The following KATNBL1 variants were observed in gnomAD, a reference collection of about 807,000 sequenced individuals.
The protein encoded by KATNBL1 is katanin regulatory subunit B1 like 1, also known as KATNB1-like protein 1.
A neutral mutation model predicts 44.7 loss-of-function variants in KATNBL1; 28 were observed. The observed-to-expected ratio is 0.63, with a 90% CI of 0.46 to 0.86. KATNBL1 has a LOEUF of 0.86. Ranked by LOEUF, KATNBL1 falls within the 40% of genes least tolerant of loss-of-function variation. KATNBL1 has a pLI of 0.00. For synonymous variants in KATNBL1, 78 were observed against 114.9 expected (o/e 0.68, Z 2.06); for missense variants, 272 against 350.7 (o/e 0.78, Z 1.79).
At chr15:34,206,662 G>T (rs141806352) in intron 1 of KATNBL1, among the ~76,000 whole-genome samples, 20,390 of 151,986 alleles carry the variant, frequency 0.13, 1,451 homozygotes, top group Non-Finnish European at 0.15. Flanking sequence ...GTGGTGGTGG[G>T]TGCTTGTAAT....
chr15:34,158,418 A>G (rs1033789418), intron 2 of KATNBL1, among the ~76,000 whole-genome samples: 4 of 152,222 alleles, frequency 2.6e-5, no homozygotes, highest in African/African-American at 9.6e-5. Context: ...GGTTAAGTGA[A>G]AAACAGGCAT....
intron 1 of KATNBL1, among the ~76,000 whole-genome samples, chr15:34,188,161 A>G (rs994222718): frequency 5.4e-5 from 8 of 149,082 alleles, no homozygotes; most frequent in Admixed American, 2.0e-4. Context: ...AAAAAAAAAA[A>G]AAAAGAAAAT....
At chr15:34,195,892 A>G (rs1171836446) in intron 1 of KATNBL1, among the ~76,000 whole-genome samples, 1 of 152,128 alleles carries the variant, frequency 6.6e-6, no homozygotes, top group Non-Finnish European at 1.5e-5. Context: ...GGGTCCTAAA[A>G]GTAACTTTGT....
At chr15:34,163,527 G>A (rs1567523320) in intron 2 of KATNBL1, 33 bp downstream of exon 2, 1 of 1,573,038 alleles carries the variant, frequency 6.4e-7, no homozygotes, top group Non-Finnish European at 8.6e-7. Context: ...CGTTTAAATT[G>A]TCTTATCTGT....
chr15:34,173,106 T>G (rs938706028), intron 1 of KATNBL1, among the ~76,000 whole-genome samples: 22 of 147,436 alleles, frequency 1.5e-4, no homozygotes, highest in African/African-American at 5.3e-4. Context: ...TCCCAGAACA[T>G]AGGAAGAAAA....
intron 1 of KATNBL1, among the ~76,000 whole-genome samples, chr15:34,181,870 C>CATATATATATATATATATATATATAT (rs374057022): frequency 4.8e-4 from 35 of 73,034 alleles, no homozygotes; most frequent in Non-Finnish European, 7.4e-4. Context: ...TATATATATC[C>CATATATATATATATATATATATATAT]ATATATATAT....
intron 1 of KATNBL1, among the ~76,000 whole-genome samples, chr15:34,207,911 G>GT (rs1890336748): frequency 6.6e-6 from 1 of 152,104 alleles, no homozygotes; most frequent in Non-Finnish European, 1.5e-5. Flanking sequence ...CCACCCTTCT[G>GT]TTCAGTGCCC....
chr15:34,184,636 G>T (rs1482586078), intron 1 of KATNBL1, among the ~76,000 whole-genome samples: 7 of 126,704 alleles, frequency 5.5e-5, no homozygotes, highest in Non-Finnish European at 9.5e-5. Flanking sequence ...GTGCAGTGGC[G>T]ATCTCGGCTT....
At chr15:34,161,312 C>A (rs1026966047) in intron 2 of KATNBL1, among the ~76,000 whole-genome samples, 1 of 152,116 alleles carries the variant, frequency 6.6e-6, no homozygotes, top group Non-Finnish European at 1.5e-5. Flanking sequence ...CGGGTTTATT[C>A]ATCACACTGG....
chr15:34,168,705 G>A (rs951050473), intron 1 of KATNBL1, among the ~76,000 whole-genome samples: 1 of 152,054 alleles, frequency 6.6e-6, no homozygotes, highest in South Asian at 2.1e-4. Context: ...CACTCCTCAG[G>A]AAATGTAAAA....
At chr15:34,142,607 T>C (rs1888181494) in intron 9 of KATNBL1, 3 of 409,200 alleles carry the variant, frequency 7.3e-6, no homozygotes, top group Non-Finnish European at 8.8e-6. Context: ...GTTCCTATGC[T>C]CAAACAACTC....
intron 1 of KATNBL1, among the ~76,000 whole-genome samples, chr15:34,165,181 C>T (rs7161944): frequency 0.12 from 18,492 of 152,154 alleles, 1,232 homozygotes; most frequent in Non-Finnish European, 0.15. Context: ...AACTGAAAGG[C>T]GTGAAGCAAC....
At chr15:34,207,205 AATTTT>A (rs1178539116) in intron 1 of KATNBL1, among the ~76,000 whole-genome samples, 3 of 151,398 alleles carry the variant, frequency 2.0e-5, no homozygotes, top group South Asian at 2.1e-4. Flanking sequence ...ACACCTGCCT[AATTTT>A]ATTTTATTTT....
intron 1 of KATNBL1, among the ~76,000 whole-genome samples, chr15:34,203,512 C>T (rs1019594473): frequency 3.3e-5 from 5 of 152,148 alleles, no homozygotes; most frequent in Admixed American, 3.3e-4. Context: ...AGAATAACCC[C>T]ACCCTCACTT....
At position 34,162,610 on chromosome 15, in the gene KATNBL1, G is replaced by A. The variant is rs542175268; in HGVS notation, c.117+950C>T. Among the ~76,000 whole-genome samples, 6 of 152,178 alleles carry A rather than the reference G, an allele frequency of 3.9e-5. No individual in the cohort carries two copies. In the South Asian group the frequency reaches 1.2e-3, roughly 32 times the overall value. ...GAGTTAAATTTTAATCTCTTTTCTT[G>A]TTGCTGTTGTTGTTTTAGAGATAGG... On this transcript the variant is annotated intron_variant, in intron 2 of 9. Transcript: ENST00000256544.
At chr15:34,188,031 C>T (rs191159803) in intron 1 of KATNBL1, among the ~76,000 whole-genome samples, 29 of 145,264 alleles carry the variant, frequency 2.0e-4, no homozygotes, top group East Asian at 4.3e-4. Flanking sequence ...CCCAGCTGCT[C>T]GGTAGGTTGG....
chr15:34,169,576 C>A (rs1431899258), intron 1 of KATNBL1, among the ~76,000 whole-genome samples: 2 of 152,180 alleles, frequency 1.3e-5, no homozygotes, highest in Non-Finnish European at 2.9e-5. Context: ...GGAATCCTCC[C>A]TAACTCATTT....
At chr15:34,195,588 C>T (rs905445995) in intron 1 of KATNBL1, among the ~76,000 whole-genome samples, 4 of 151,478 alleles carry the variant, frequency 2.6e-5, no homozygotes, top group African/African-American at 9.7e-5. Context: ...ATACTCAGGA[C>T]GCTGAGGCAG....
At chr15:34,189,977 C>T (rs1889827186) in intron 1 of KATNBL1, among the ~76,000 whole-genome samples, 2 of 148,834 alleles carry the variant, frequency 1.3e-5, no homozygotes, top group South Asian at 4.2e-4. Context: ...CAGAATCTTG[C>T]TCTGTCTCCC....
Sources: gnomAD v4.1 joint callset for allele counts (sites outside exome capture counted in the v4.1 genomes callset) on GRCh38, gnomAD v4.1.1 for gene constraint, MANE v1.5 for transcripts, NCBI Gene and HGNC (gene_info 2026-07-23, HGNC 2026-07-21) for gene names.